WWOX: variants seen among roughly 807,000 people sequenced by gnomAD.
The protein encoded by WWOX is WW domain containing oxidoreductase, also known as WW domain-containing oxidoreductase.
WWOX carries 69 observed loss-of-function variants against 46.2 expected under a neutral mutation model. The ratio of observed to expected loss-of-function variants is 1.49; its 90% CI spans 1.23 to 1.82. The LOEUF is 1.82. Among genes scored for constraint, WWOX ranks in the 40% most tolerant of loss-of-function variants. The pLI, the probability that WWOX is intolerant of heterozygous loss-of-function variation, is 0.00. For synonymous variants in WWOX, 359 were observed against 202.6 expected (o/e 1.77, Z -6.56); for missense variants, 919 against 542.6 (o/e 1.69, Z -6.89).
intron 8 of WWOX, among the ~76,000 whole-genome samples, chr16:78,833,885 C>G (rs141493134): frequency 1.3e-5 from 2 of 152,378 alleles, no homozygotes; most frequent in Non-Finnish European, 1.5e-5. Context: ...TGGTACCATA[C>G]AGGCACTTTG....
At chr16:78,954,641 A>G (rs2046128708) in intron 8 of WWOX, among the ~76,000 whole-genome samples, 1 of 152,134 alleles carries the variant, frequency 6.6e-6, no homozygotes, top group African/African-American at 2.4e-5. Flanking sequence ...ACCTGACCTC[A>G]ATGATTTTTT....
intron 8 of WWOX, among the ~76,000 whole-genome samples, chr16:78,492,361 C>T (rs1051141736): frequency 2.0e-5 from 3 of 152,220 alleles, no homozygotes; most frequent in Admixed American, 2.0e-4. Flanking sequence ...ACATCGTCCA[C>T]TGGAGGGACC....
chr16:78,834,370 C>T (rs548407667), intron 8 of WWOX, among the ~76,000 whole-genome samples: 39 of 152,222 alleles, frequency 2.6e-4, no homozygotes, highest in Middle Eastern at 3.4e-3. Context: ...CCAGGATTGT[C>T]GTGCGTGTGT....
At chr16:78,356,010 A>C (rs985487450) in intron 5 of WWOX, among the ~76,000 whole-genome samples, 2 of 141,354 alleles carry the variant, frequency 1.4e-5, no homozygotes, top group Non-Finnish European at 3.1e-5. Flanking sequence ...CTTAAGCTAA[A>C]TGGTATTTTC....
intron 8 of WWOX, among the ~76,000 whole-genome samples, chr16:78,712,299 C>G (rs887853551): frequency 6.6e-6 from 1 of 152,006 alleles, no homozygotes; most frequent in African/African-American, 2.4e-5. Flanking sequence ...GTCAAGAGAT[C>G]GAAACCATCC....
intron 8 of WWOX, among the ~76,000 whole-genome samples, chr16:79,038,647 T>A (rs575211050): frequency 3.7e-4 from 57 of 152,268 alleles, no homozygotes; most frequent in Non-Finnish European, 7.2e-4. Flanking sequence ...CCTCCCAGAT[T>A]CAAGCAATTT....
chr16:78,295,488 G>A (rs2079930022), intron 5 of WWOX, among the ~76,000 whole-genome samples: 1 of 152,158 alleles, frequency 6.6e-6, no homozygotes, highest in African/African-American at 2.4e-5. Flanking sequence ...GAGGTGGGTG[G>A]ATCACCTGAA....
At chr16:78,239,617 C>A (rs937191437) in intron 5 of WWOX, among the ~76,000 whole-genome samples, 5 of 152,156 alleles carry the variant, frequency 3.3e-5, no homozygotes, top group Non-Finnish European at 7.3e-5. Flanking sequence ...TCACTGCAAC[C>A]TCCGCCTCCT....
chr16:78,484,435 A>G (rs555957798), intron 8 of WWOX, among the ~76,000 whole-genome samples: 2 of 152,334 alleles, frequency 1.3e-5, no homozygotes, highest in South Asian at 4.2e-4. Context: ...AACTTGTTTA[A>G]GATACCCTAC....
intron 5 of WWOX, among the ~76,000 whole-genome samples, chr16:78,177,347 A>G (rs1479388241): frequency 6.6e-6 from 1 of 152,198 alleles, no homozygotes; most frequent in Non-Finnish European, 1.5e-5. Flanking sequence ...AAGATAGTCT[A>G]GAAGGATTTT....
At chr16:78,197,496 A>T (rs1164001785) in intron 5 of WWOX, among the ~76,000 whole-genome samples, 1 of 152,100 alleles carries the variant, frequency 6.6e-6, no homozygotes, top group African/African-American at 2.4e-5. Flanking sequence ...AATTTTTTTC[A>T]TATGTTTTGA....
chr16:78,106,551 G>A (rs1049159370), intron 1 of WWOX, among the ~76,000 whole-genome samples: 3 of 151,688 alleles, frequency 2.0e-5, no homozygotes, highest in African/African-American at 7.3e-5. Flanking sequence ...CGAGTAGCTG[G>A]GATTACAGGC....
At chr16:78,122,976 G>C (rs1597231223) in intron 4 of WWOX, among the ~76,000 whole-genome samples, 1 of 151,998 alleles carries the variant, frequency 6.6e-6, no homozygotes, top group African/African-American at 2.4e-5. Flanking sequence ...CCACTAGAGG[G>C]CTCTGTTGCC....
chr16:79,084,704 C>A (rs981319388), intron 8 of WWOX, among the ~76,000 whole-genome samples: 3 of 152,114 alleles, frequency 2.0e-5, no homozygotes, highest in African/African-American at 7.2e-5. Flanking sequence ...TGAGCCACCG[C>A]ACCTGGAGGA....
intron 8 of WWOX, among the ~76,000 whole-genome samples, chr16:79,042,170 G>A (rs375257378): frequency 6.6e-6 from 1 of 152,138 alleles, no homozygotes; most frequent in Non-Finnish European, 1.5e-5. Context: ...AGGCTCAGAT[G>A]CACACAGTGA....
chr16:78,183,040 A>G (rs781128052), intron 5 of WWOX, among the ~76,000 whole-genome samples: 12 of 151,734 alleles, frequency 7.9e-5, no homozygotes, highest in East Asian at 1.9e-4. Flanking sequence ...ATATGCATCT[A>G]TGACAGCACG....
chr16:78,458,726 A>G (rs957173471), intron 8 of WWOX, among the ~76,000 whole-genome samples: 2 of 152,206 alleles, frequency 1.3e-5, no homozygotes, highest in Admixed American at 1.3e-4. Context: ...ATACATGTCT[A>G]TATGTGTATA....
chr16:78,126,523 A>G (rs1040642941), intron 4 of WWOX, among the ~76,000 whole-genome samples: 1 of 152,096 alleles, frequency 6.6e-6, no homozygotes, highest in African/African-American at 2.4e-5. Flanking sequence ...TGACTATTGG[A>G]TATGTATCGA....
At chr16:78,993,985 C>T (rs2046939621) in intron 8 of WWOX, among the ~76,000 whole-genome samples, 1 of 152,166 alleles carries the variant, frequency 6.6e-6, no homozygotes, top group Non-Finnish European at 1.5e-5. Flanking sequence ...TCAGCCCTGT[C>T]CTAGAGAACC....
Sources: allele counts gnomAD v4.1 joint callset (sites outside exome capture counted in the v4.1 genomes callset), GRCh38; gene constraint gnomAD v4.1.1; transcripts MANE v1.5; gene names NCBI Gene and HGNC (gene_info 2026-07-23, HGNC 2026-07-21).